CCDC18: variants seen among roughly 807,000 people sequenced by gnomAD.
CCDC18 encodes the protein coiled-coil domain-containing protein 18.
In CCDC18, 157 loss-of-function variants were observed where a neutral mutation model predicts 196.0. That is an observed-to-expected ratio of 0.80 (90% confidence interval 0.70 to 0.91). The LOEUF is 0.91. Ranked by LOEUF, CCDC18 falls within the 40% of genes least tolerant of loss-of-function variation. The pLI is 0.00. For missense variants in CCDC18, 1,465 were observed against 1,611.6 expected (o/e 0.91, Z 1.56); for synonymous variants, 482 against 529.2 (o/e 0.91, Z 1.22).
intron 6 of CCDC18, among the ~76,000 whole-genome samples, 186 bp from the exon 7 acceptor site, chr1:93,201,706 A>C (rs1302367275): frequency 6.6e-6 from 1 of 151,772 alleles, no homozygotes; most frequent in Admixed American, 6.6e-5. Flanking sequence ...ATATTGATAG[A>C]GTGAGAAAAT....
chr1:93,180,621 G>C (rs780766668), upstream of CCDC18: 3 of 1,341,170 alleles, frequency 2.2e-6, no homozygotes, highest in Non-Finnish European at 2.9e-6. Flanking sequence ...CGCGCTCGCC[G>C]ACCACGATCC....
At chr1:93,217,579 G>A (rs567565626) in intron 13 of CCDC18, among the ~76,000 whole-genome samples, 159 bp from the exon 14 acceptor site, 2 of 152,186 alleles carry the variant, frequency 1.3e-5, no homozygotes, top group South Asian at 2.1e-4. Flanking sequence ...GACCACAGGC[G>A]CATGCCACCA....
chr1:93,235,976 G>A (rs1012813177), intron 18 of CCDC18, among the ~76,000 whole-genome samples: 3 of 152,028 alleles, frequency 2.0e-5, no homozygotes, highest in African/African-American at 7.2e-5. Context: ...ATTTCAAATG[G>A]GGACAATGAA....
At chr1:93,271,347 A>G in intron 28 of CCDC18, 1 of 984,810 alleles carries the variant, frequency 1.0e-6, no homozygotes. Flanking sequence ...ATTTATATTC[A>G]TCTTTCCTTC....
intron 7 of CCDC18, among the ~76,000 whole-genome samples, chr1:93,202,978 A>G (rs1454030965): frequency 2.0e-5 from 3 of 152,212 alleles, no homozygotes; most frequent in Non-Finnish European, 4.4e-5. Context: ...TATCTCAAAG[A>G]TTGTGATATA....
intron 21 of CCDC18, among the ~76,000 whole-genome samples, chr1:93,241,673 G>A (rs897213942): frequency 1.9e-4 from 23 of 119,796 alleles, no homozygotes; most frequent in Non-Finnish European, 1.6e-4. Flanking sequence ...AATGAGCCAA[G>A]AATGAGCCAT....
chr1:93,181,561 A>G (rs1339879726), intron 1 of CCDC18, among the ~76,000 whole-genome samples: 1 of 152,184 alleles, frequency 6.6e-6, no homozygotes, highest in African/African-American at 2.4e-5. Flanking sequence ...CCACTAGGAA[A>G]ATGAAAACAT....
chr1:93,180,890 A>C (rs1649490553), intron 1 of CCDC18, 38 bp downstream of exon 1: 1 of 1,364,394 alleles, frequency 7.3e-7, no homozygotes, highest in African/African-American at 1.5e-5. Context: ...GTGGTGAGCG[A>C]CTGCGCCTTG....
At chr1:93,276,077 G>A (rs2101588309) in intron 28 of CCDC18, among the ~76,000 whole-genome samples, 1 of 152,284 alleles carries the variant, frequency 6.6e-6, no homozygotes, top group South Asian at 2.1e-4. Context: ...GCCATTGTTG[G>A]GCTGTGCAGA....
chr1:93,193,414 T>G (rs556415845), intron 5 of CCDC18, among the ~76,000 whole-genome samples: 2 of 152,306 alleles, frequency 1.3e-5, no homozygotes, highest in South Asian at 4.1e-4. Context: ...GATATATTTA[T>G]CATCTGGTGG....
intron 14 of CCDC18, among the ~76,000 whole-genome samples, chr1:93,218,865 A>G (rs1420121839): frequency 6.6e-6 from 1 of 152,154 alleles, no homozygotes; most frequent in Non-Finnish European, 1.5e-5. Context: ...AGAACAGCCT[A>G]GTTTCGCTGC....
intron 8 of CCDC18, among the ~76,000 whole-genome samples, chr1:93,206,836 C>G (rs1283115528): frequency 6.6e-6 from 1 of 152,108 alleles, no homozygotes; most frequent in Non-Finnish European, 1.5e-5. Context: ...GACAGTAGGG[C>G]TGTCCTTCCC....
chr1:93,216,086 C>T (rs922824623), intron 12 of CCDC18, among the ~76,000 whole-genome samples: 3 of 152,190 alleles, frequency 2.0e-5, no homozygotes, highest in Non-Finnish European at 4.4e-5. Context: ...AAGATAGGAA[C>T]TTATGTTAAT....
chr1:93,266,589 C>T (rs1444206452), intron 27 of CCDC18, among the ~76,000 whole-genome samples: 1 of 151,972 alleles, frequency 6.6e-6, no homozygotes, highest in Non-Finnish European at 1.5e-5. Flanking sequence ...CAAATAGAGG[C>T]AATAAAAAAT....
chr1:93,187,419 TAAG>T (rs1351240910), intron 4 of CCDC18, among the ~76,000 whole-genome samples: 1 of 151,956 alleles, frequency 6.6e-6, no homozygotes, highest in Non-Finnish European at 1.5e-5. Flanking sequence ...TTCCTCTTTA[TAAG>T]AAGTGTGCAT....
chr1:93,227,743 C>T (rs1248168909), intron 17 of CCDC18, among the ~76,000 whole-genome samples: 2 of 151,418 alleles, frequency 1.3e-5, no homozygotes, highest in Non-Finnish European at 2.9e-5. Context: ...CACTTGAGGC[C>T]GGGAGTTCAA....
intron 28 of CCDC18, among the ~76,000 whole-genome samples, chr1:93,272,445 G>A (rs1251334035): frequency 1.3e-5 from 2 of 152,090 alleles, no homozygotes; most frequent in African/African-American, 4.8e-5. Flanking sequence ...TAGCACCCAA[G>A]AAGTTAAAGA....
At chr1:93,219,498 A>G (rs1570412778) in intron 14 of CCDC18, among the ~76,000 whole-genome samples, 1 of 152,244 alleles carries the variant, frequency 6.6e-6, no homozygotes, top group African/African-American at 2.4e-5. Context: ...AAGCACTGTG[A>G]TACCATGGCA....
intron 23 of CCDC18, among the ~76,000 whole-genome samples, chr1:93,254,107 C>G (rs1662614307): frequency 6.6e-6 from 1 of 152,116 alleles, no homozygotes; most frequent in African/African-American, 2.4e-5. Flanking sequence ...AAAAAGTCTT[C>G]TCTATTTAAT....
Sources: gnomAD v4.1 joint callset for allele counts (sites outside exome capture counted in the v4.1 genomes callset) on GRCh38, gnomAD v4.1.1 for gene constraint, MANE v1.5 for transcripts, NCBI Gene and HGNC (gene_info 2026-07-23, HGNC 2026-07-21) for gene names.